The following ENOSF1 variants were observed in gnomAD, a reference collection of about 807,000 sequenced individuals.
ENOSF1 encodes the protein enolase superfamily member 1, also known as mitochondrial enolase superfamily member 1.
Under a neutral mutation model 68.2 loss-of-function variants are expected in ENOSF1, and 73 were observed. The ratio of observed to expected loss-of-function variants is 1.07; its 90% CI spans 0.89 to 1.30. The LOEUF (loss-of-function observed/expected upper bound fraction) is 1.30, where lower values mean the gene tolerates loss of function less well. ENOSF1 is among the 50% of genes most tolerant of loss of function. ENOSF1 has a pLI of 0.00. For synonymous variants in ENOSF1, 223 were observed against 210.4 expected, an observed-to-expected ratio of 1.06 and a Z score of -0.52; for missense variants, 589 against 554.5, an observed-to-expected ratio of 1.06 and a Z score of -0.62.
chr18:711,630 A>C (rs2079556478), intron 1 of ENOSF1, among the ~76,000 whole-genome samples: 1 of 152,194 alleles, frequency 6.6e-6, no homozygotes, highest in African/African-American at 2.4e-5. Flanking sequence ...TTTGGGAAAC[A>C]CCGCTCTAGA....
chr18:699,628 T>C (rs1396040018), intron 2 of ENOSF1, among the ~76,000 whole-genome samples: 2 of 152,236 alleles, frequency 1.3e-5, no homozygotes, highest in South Asian at 2.1e-4. Flanking sequence ...AATCAAGCCA[T>C]CAACTTAGCT....
rs1369133457 is a variant in ENOSF1 at position 686,089 on chromosome 18, GTC to G, written c.654-83_654-82del. On this transcript the variant is annotated intron_variant, in intron 9 of 15. Transcript: ENST00000647584. Reference sequence around the variant, plus strand: ...ATCTGGAGTTTCTGCAGAAGTGACCGTCTCTGTCAACAATTCACAGATATGTT... The same window carrying G: ...ATCTGGAGTTTCTGCAGAAGTGACCGTCTGTCAACAATTCACAGATATGTT... 6.3e-6 allele frequency: 6 copies of G among 945,920 alleles called. No homozygotes were observed. In the African/African-American group the frequency reaches 8.1e-5, roughly 13 times the overall value. 58.6% of individuals were successfully genotyped at this position (945,920 alleles called of 1,614,324 possible).
chr18:695,979 C>A (rs969561656), intron 3 of ENOSF1, among the ~76,000 whole-genome samples: 3 of 152,028 alleles, frequency 2.0e-5, no homozygotes, highest in Non-Finnish European at 4.4e-5. Context: ...GGAGACTAAG[C>A]CGGGTTAGGA....
At chr18:700,658 G>C (rs906044043) in intron 2 of ENOSF1, among the ~76,000 whole-genome samples, 1 of 152,028 alleles carries the variant, frequency 6.6e-6, no homozygotes, top group African/African-American at 2.4e-5. Context: ...GCTGAGGCGG[G>C]CGGATCACCT....
At chr18:699,317 C>T (rs1260170155) in intron 2 of ENOSF1, among the ~76,000 whole-genome samples, 1 of 151,910 alleles carries the variant, frequency 6.6e-6, no homozygotes, top group Non-Finnish European at 1.5e-5. Context: ...CAAAAATTAG[C>T]CGGTTGCGGT....
chr18:688,603 A>G lies in ENOSF1; in HGVS notation c.624T>C (p.Cys208=), dbSNP rs901587456. 2 of 1,613,956 alleles carry G rather than the reference A, an allele frequency of 1.2e-6. No homozygotes were observed. Among genetic ancestry groups the G allele is most frequent in the African/African-American group, 2.7e-5 (2 of 74,942 alleles). Residue 208 remains cysteine (C), a synonymous_variant, in exon 9 of 16, where the codon TGT becomes TGC. Coordinates refer to ENST00000647584, the MANE Select transcript of ENOSF1 (RefSeq NM_017512.7). ...TCCAGCCATCCTTCAGCGCCTGGGC[A>G]CAGAGCTGTGGGAAAGGAGCACAGG... ...GYSDDTLKQL[C]AQALKDGWTR...
At chr18:688,167 C>CAAA (rs113399783) in intron 9 of ENOSF1, 3,171 of 145,814 alleles carry the variant, frequency 0.022, 58 homozygotes, top group Non-Finnish European at 0.032. Flanking sequence ...AACTTCATCT[C>CAAA]AAAAAAAAAA....
At chr18:666,975 A>AGATGGAGATGGT (rs2074842444), downstream of ENOSF1, among the ~76,000 whole-genome samples, 1 of 14,992 alleles carries the variant, frequency 6.7e-5, no homozygotes, top group Non-Finnish European at 1.1e-4. Flanking sequence ...ATGGTGATGG[A>AGATGGAGATGGT]GATGGAGATG....
At chr18:667,770 C>G (rs2606242), downstream of ENOSF1, 52,490 of 151,924 alleles carry the variant, frequency 0.35, 9,563 homozygotes, top group East Asian at 0.68. Flanking sequence ...TTCTGCAGGT[C>G]GTTGCCTGCA....
chr18:704,825 T>C (rs2741163), intron 2 of ENOSF1, among the ~76,000 whole-genome samples: 70,795 of 151,748 alleles, frequency 0.47, 16,819 homozygotes, highest in African/African-American at 0.58. Flanking sequence ...AGGCTGGTCT[T>C]GAACTGCTTG....
At position 697,261 on chromosome 18, in the gene ENOSF1, T is replaced by TGTGA; in HGVS notation, c.284_287dup (p.Ser97HisfsTer3). On this transcript the variant is annotated frameshift_variant, in exon 3 of 16. Coordinates refer to ENST00000647584, the MANE Select transcript of ENOSF1 (RefSeq NM_017512.7). LOFTEE classifies it high-confidence loss of function. ...TTACCCATCTGAGCTGCCCATCACT[T>TGTGA]GTGAGCTGCCTATAGAAGCCTCTGA... 1 of 1,613,970 alleles carries TGTGA rather than the reference T, an allele frequency of 6.2e-7. No individual in the cohort carries two copies. Among genetic ancestry groups the TGTGA allele is most frequent in the Admixed American group, 1.7e-5 (1 of 60,014 alleles).
chr18:670,001 C>T (rs1014489288), downstream of ENOSF1, among the ~76,000 whole-genome samples: 5 of 150,192 alleles, frequency 3.3e-5, no homozygotes, highest in African/African-American at 1.2e-4. Flanking sequence ...ATCAGGATAT[C>T]ATAAGTACTT....
chr18:666,206 C>T (rs2074812403), downstream of ENOSF1, among the ~76,000 whole-genome samples: 1 of 151,178 alleles, frequency 6.6e-6, no homozygotes, highest in Non-Finnish European at 1.5e-5. Context: ...ACTTTCCATA[C>T]TGTGTCATCG....
chr18:668,878 G>C (rs559873880), downstream of ENOSF1, among the ~76,000 whole-genome samples: 1 of 152,110 alleles, frequency 6.6e-6, no homozygotes, highest in African/African-American at 2.4e-5. Flanking sequence ...CCAGAGGACA[G>C]AGCCAGGAGT....
At position 692,635 on chromosome 18, in the gene ENOSF1, A is replaced by AAAAAAGG. The variant is rs2077310510; in HGVS notation, c.423+1246_423+1247insCCTTTTT. Reference sequence around the variant, plus strand: ...AGAAAGAAAGAAAAAAAGAAAAAAGAAAAGAGTACTGGCATTGAAAGGGAA... The same window carrying AAAAAAGG: ...AGAAAGAAAGAAAAAAAGAAAAAAGAAAAAAGGAAAGAGTACTGGCATTGAAAGGGAA... On this transcript the variant is annotated intron_variant, in intron 5 of 15. Transcript: ENST00000647584. 3 of 761,116 alleles carry AAAAAAGG rather than the reference A, an allele frequency of 3.9e-6. No individual in the cohort carries two copies. The South Asian group carries it at 1.8e-4, about 45-fold the overall frequency. 47.1% of individuals were successfully genotyped at this position (761,116 alleles called of 1,614,324 possible). A position where few individuals can be genotyped will look rare whatever the true frequency, so the allele number is the denominator to read the frequency against.
At chr18:693,501 C>A in intron 5 of ENOSF1, 1 of 985,376 alleles carries the variant, frequency 1.0e-6, no homozygotes, top group Non-Finnish European at 1.2e-6. Flanking sequence ...AATATTATAA[C>A]ATCTGGCTTT....
chr18:709,321 G>A (rs544743205), intron 1 of ENOSF1, among the ~76,000 whole-genome samples: 1 of 152,296 alleles, frequency 6.6e-6, no homozygotes, highest in East Asian at 1.9e-4. Context: ...AGTGGAGGAA[G>A]AAGGAGCTGT....
chr18:699,702 T>C (rs1009317417), intron 2 of ENOSF1, among the ~76,000 whole-genome samples: 14 of 152,336 alleles, frequency 9.2e-5, no homozygotes, highest in African/African-American at 2.4e-4. Context: ...GTGGATTCAA[T>C]AGTAAAAGTT....
intron 3 of ENOSF1, among the ~76,000 whole-genome samples, chr18:696,960 T>C (rs1383971643): frequency 6.6e-6 from 1 of 151,908 alleles, no homozygotes; most frequent in Non-Finnish European, 1.5e-5. Flanking sequence ...CTACTAAAAT[T>C]ACAAACATTA....
Sources: allele counts gnomAD v4.1 joint callset (sites outside exome capture counted in the v4.1 genomes callset), GRCh38; gene constraint gnomAD v4.1.1; transcripts MANE v1.5; gene names NCBI Gene and HGNC (gene_info 2026-07-23, HGNC 2026-07-21).